The following TNPO3 variants were observed in gnomAD, a reference collection of about 807,000 sequenced individuals.
TNPO3 encodes transportin-3.
A neutral mutation model predicts 122.8 loss-of-function variants in TNPO3; 65 were observed. That is an observed-to-expected ratio of 0.53 (90% CI 0.43 to 0.65). TNPO3 has a LOEUF of 0.65. Ranked by LOEUF, TNPO3 falls within the 30% of genes least tolerant of loss-of-function variation. TNPO3 has a pLI of 0.00. For synonymous variants in TNPO3, 372 were observed against 411.2 expected, an observed-to-expected ratio of 0.90 and a Z score of 1.15; for missense variants, 850 against 1,136.7, an observed-to-expected ratio of 0.75 and a Z score of 3.63.
chr7:129,041,858 C>T, intron 1 of TNPO3: 1 of 474,600 alleles, frequency 2.1e-6, no homozygotes. Flanking sequence ...AGGCTATGGC[C>T]CAGCAATCCT....
intron 1 of TNPO3, among the ~76,000 whole-genome samples, chr7:129,045,657 C>G (rs1005183204): frequency 3.3e-5 from 5 of 152,010 alleles, no homozygotes; most frequent in Non-Finnish European, 7.4e-5. Flanking sequence ...TTTGGAAAAA[C>G]TATTGTAATT....
chr7:129,009,452 T>C (rs758200571), intron 4 of TNPO3, among the ~76,000 whole-genome samples: 17 of 152,200 alleles, frequency 1.1e-4, no homozygotes, highest in Non-Finnish European at 2.4e-4. Context: ...ACTAATTTCA[T>C]CCCCTGGGTT....
rs147557723 is a variant in TNPO3 at position 129,018,187 on chromosome 7, A to C, written c.121-30T>G. 7.2e-4 allele frequency: 1,150 copies of C among 1,602,054 alleles called. 13 individuals are homozygous for C. In the African/African-American group the frequency reaches 0.013, roughly 19 times the overall value. On this transcript the variant is annotated intron_variant, in intron 1 of 22. Transcript: ENST00000265388. Reference sequence around the variant, plus strand: ...AAGCGTATTAGACAAAGATGTCTTAAAGAAGACTACTTTTCTAATTTTAAT... The same window carrying C: ...AAGCGTATTAGACAAAGATGTCTTACAGAAGACTACTTTTCTAATTTTAAT...
chr7:128,958,683 T>C (rs1232634664), intron 21 of TNPO3, among the ~76,000 whole-genome samples: 1 of 152,224 alleles, frequency 6.6e-6, no homozygotes, highest in Admixed American at 6.5e-5. Flanking sequence ...TGAAACATCA[T>C]TAAGAACCTT....
chr7:129,026,086 A>AT (rs1238281465), intron 1 of TNPO3, among the ~76,000 whole-genome samples: 1 of 149,020 alleles, frequency 6.7e-6, no homozygotes, highest in Non-Finnish European at 1.5e-5. Flanking sequence ...AGATCATGCC[A>AT]TTGCACTCCA....
At chr7:129,000,625 T>C (rs986322499) in intron 6 of TNPO3, 58 bp from the exon 7 acceptor site, 27 of 1,502,756 alleles carry the variant, frequency 1.8e-5, no homozygotes, top group Non-Finnish European at 2.5e-5. Context: ...TATAAGTATA[T>C]ACAGGCACAG....
intron 7 of TNPO3, among the ~76,000 whole-genome samples, chr7:128,997,887 G>C (rs1325683493): frequency 6.6e-6 from 1 of 152,032 alleles, no homozygotes; most frequent in Non-Finnish European, 1.5e-5. Context: ...GCCCCAGCTA[G>C]AGTGCAGTGG....
intron 3 of TNPO3, among the ~76,000 whole-genome samples, chr7:129,016,253 G>T (rs2150430902): frequency 6.6e-6 from 1 of 152,178 alleles, no homozygotes; most frequent in Admixed American, 6.5e-5. Flanking sequence ...AATTAGCCAG[G>T]CGTAGTAGCA....
chr7:128,997,294 A>C, intron 8 of TNPO3, 95 bp downstream of exon 8: 1 of 1,417,940 alleles, frequency 7.1e-7, no homozygotes, highest in Non-Finnish European at 9.6e-7. Context: ...CAGGGTGCCC[A>C]GCCAGGTTTA....
intron 2 of TNPO3, 94 bp from the exon 3 acceptor site, chr7:129,017,150 C>A: frequency 8.3e-7 from 1 of 1,202,352 alleles, no homozygotes; most frequent in Non-Finnish European, 1.2e-6. Flanking sequence ...TTCTTCCAAA[C>A]AATATGACAA....
intron 1 of TNPO3, among the ~76,000 whole-genome samples, chr7:129,031,235 G>T (rs1805905989): frequency 6.6e-6 from 1 of 151,948 alleles, no homozygotes; most frequent in South Asian, 2.1e-4. Context: ...GGAGGCAGAG[G>T]TTGCAGTGAG....
At chr7:129,002,572 CT>C (rs1288678759) in intron 5 of TNPO3, among the ~76,000 whole-genome samples, 1 of 152,142 alleles carries the variant, frequency 6.6e-6, no homozygotes, top group African/African-American at 2.4e-5. Context: ...ATTAGGTATT[CT>C]TAGATTGAAT....
Position 128,972,441 on chromosome 7 carries a change from T to C in TNPO3, c.2415A>G (p.Thr805=). The C allele has an allele frequency of 1.2e-6, 2 of 1,613,502 alleles. No homozygotes were observed. Among genetic ancestry groups the C allele is most frequent in the African/African-American group, 2.7e-5 (2 of 74,976 alleles). ...TTATACTTACATCATTGGCTACCCC[T>C]GTATGAATGAGGTCTCGTAGAAACC... ...VMRFLRDLIH[T]GVANDHEEDF... Residue 805 remains threonine, a synonymous_variant, in exon 19 of 23, where the codon ACA becomes ACG. Transcript: ENST00000265388.
At chr7:128,955,565 G>A (rs940974057) in intron 22 of TNPO3, among the ~76,000 whole-genome samples, 180 bp from the exon 23 acceptor site, 1 of 152,108 alleles carries the variant, frequency 6.6e-6, no homozygotes, top group African/African-American at 2.4e-5. Context: ...TGGGTTCAAG[G>A]GAGCTACTGC....
At chr7:129,015,700 G>C (rs1038379500) in intron 3 of TNPO3, among the ~76,000 whole-genome samples, 4 of 152,032 alleles carry the variant, frequency 2.6e-5, no homozygotes, top group Admixed American at 2.6e-4. Context: ...AGGCATGGTG[G>C]TATGCATCTG....
At chr7:128,965,870 T>C (rs999478531) in intron 21 of TNPO3, among the ~76,000 whole-genome samples, 3 of 152,212 alleles carry the variant, frequency 2.0e-5, no homozygotes, top group Non-Finnish European at 4.4e-5. Flanking sequence ...ATATGAGGTA[T>C]CTAGAGTAGT....
chr7:129,014,984 G>A lies in TNPO3; in HGVS notation c.547C>T (p.Leu183=), dbSNP rs191003701. Residue 183 remains leucine, a synonymous_variant, in exon 4 of 23, where the codon CTA becomes TTA. Transcript: ENST00000265388. ...AGTATTTCAAACTTACTCACCAATA[G>A]AGATACTACTGTACTAGAGTAGAAG... ...LAFYSSTVVS[L]LMTCVEKAGT... is the part of the protein sequence containing the mutation. 11 of 1,588,666 alleles carry A rather than the reference G, an allele frequency of 6.9e-6. No individual in the cohort carries two copies. In the African/African-American group the frequency reaches 1.5e-4, roughly 22 times the overall value.
intron 15 of TNPO3, 34 bp downstream of exon 15, chr7:128,979,937 A>C (rs755519140): frequency 6.2e-7 from 1 of 1,602,316 alleles, no homozygotes; most frequent in East Asian, 2.2e-5. Context: ...AAAAGAAGCA[A>C]GCCTTGATTC....
Position 129,017,433 on chromosome 7 carries a change from C to T in TNPO3, c.322-377G>A, listed in dbSNP as rs139918772. Reference sequence around the variant, plus strand: ...GCTACTAATAAAGTCAGACCTTTGACTCAGTTCTCAAGTAATGGATTGCCA... The same window carrying T: ...GCTACTAATAAAGTCAGACCTTTGATTCAGTTCTCAAGTAATGGATTGCCA... On this transcript the variant is annotated intron_variant, in intron 2 of 22. Coordinates refer to ENST00000265388, the MANE Select transcript of TNPO3 (RefSeq NM_012470.4). 2.8e-3 allele frequency among the ~76,000 whole-genome samples: 428 copies of T among 152,300 alleles called. 4 individuals are homozygous for T. Among genetic ancestry groups the T allele is most frequent in the African/African-American group, 9.8e-3 (406 of 41,568 alleles).
Sources: allele counts gnomAD v4.1 joint callset (sites outside exome capture counted in the v4.1 genomes callset), GRCh38; gene constraint gnomAD v4.1.1; transcripts MANE v1.5; gene names NCBI Gene and HGNC (gene_info 2026-07-23, HGNC 2026-07-21).